HMGA2: variants seen among roughly 807,000 people sequenced by gnomAD.
HMGA2 encodes the protein high mobility group AT-hook 2, also known as high mobility group protein HMGI-C.
A neutral mutation model predicts 19.1 loss-of-function variants in HMGA2; 8 were observed. The observed-to-expected ratio is 0.42, with a 90% confidence interval of 0.25 to 0.76. HMGA2 has a LOEUF of 0.76. Ranked by LOEUF, HMGA2 falls within the 30% of genes least tolerant of loss-of-function variation. The probability of loss-of-function intolerance (pLI) is 0.28; values close to 1 mark genes in which losing one functional copy is unlikely to be tolerated. For synonymous variants in HMGA2, 60 were observed against 48.8 expected (o/e 1.23, Z -0.96); for missense variants, 109 against 136.3 (o/e 0.80, Z 1.00).
At chr12:65,829,060 C>T (rs920510134) in intron 2 of HMGA2, 1 of 152,068 alleles carries the variant, frequency 6.6e-6, no homozygotes, top group East Asian at 1.9e-4. Context: ...ACCTTTTCAC[C>T]GGTTTTGGGT....
rs374566403 is a variant in HMGA2, at chr12:65,865,395, T to C, written c.249+26826T>C. On this transcript the variant is annotated intron_variant, in intron 3 of 4. Transcript: ENST00000403681. ...GGGTGAACTTTTTATACTATACTTT[T>C]ACAGATAGAAATGAAAGTACTTAGT... Among the ~76,000 whole-genome samples, 93 of 152,278 alleles carry C rather than the reference T, an allele frequency of 6.1e-4. 1 individual carries two copies. The South Asian group carries it at 0.019, about 31-fold the overall frequency.
At chr12:65,886,345 G>A (rs763706922) in intron 3 of HMGA2, among the ~76,000 whole-genome samples, 1 of 151,132 alleles carries the variant, frequency 6.6e-6, no homozygotes, top group Non-Finnish European at 1.5e-5. Flanking sequence ...CTCGCGGGGA[G>A]CTTCTTTCTT....
chr12:65,897,380 T>C, intron 3 of HMGA2, among the ~76,000 whole-genome samples: 1 of 152,246 alleles, frequency 6.6e-6, no homozygotes, highest in African/African-American at 2.4e-5. Flanking sequence ...GCATTATTTT[T>C]AAGTTTCTGA....
At chr12:65,950,142 G>T (rs181717035) in intron 3 of HMGA2, among the ~76,000 whole-genome samples, 2 of 152,346 alleles carry the variant, frequency 1.3e-5, no homozygotes, top group Admixed American at 6.5e-5. Context: ...TTAGAAAGCT[G>T]TCTGGCAGCT....
intron 3 of HMGA2, among the ~76,000 whole-genome samples, chr12:65,844,225 T>G (rs1871142592): frequency 6.6e-6 from 1 of 152,138 alleles, no homozygotes; most frequent in Non-Finnish European, 1.5e-5. Flanking sequence ...TCATTTTCCC[T>G]TAGACCCTTG....
In HMGA2 at chr12:65,957,678, G is replaced by GA. The variant is rs1183095451; in HGVS notation, c.283-5562dup. ...TATACCTAAAATGATTTCCCTATTT[G>GA]AAAAATGTGCCTACCATTTCCAGAT... On this transcript the variant is annotated intron_variant, in intron 4 of 4. Transcript: ENST00000403681. 8 of 152,154 alleles carry GA rather than the reference G, an allele frequency of 5.3e-5. No homozygotes were observed. The East Asian group carries it at 1.5e-3, about 29-fold the overall frequency. The allele number at this position is 152,154 out of a possible 1,614,324, so 9.4% of individuals were successfully genotyped here. A position where few individuals can be genotyped will look rare whatever the true frequency, so the allele number is the denominator to read the frequency against.
chr12:65,899,206 G>T (rs956884027), intron 3 of HMGA2, among the ~76,000 whole-genome samples: 1 of 152,124 alleles, frequency 6.6e-6, no homozygotes, highest in Non-Finnish European at 1.5e-5. Flanking sequence ...TCGTGCTTCC[G>T]AACAGATGAA....
chr12:65,848,672 A>T (rs1261966816), intron 3 of HMGA2, among the ~76,000 whole-genome samples: 1 of 151,972 alleles, frequency 6.6e-6, no homozygotes, highest in Non-Finnish European at 1.5e-5. Context: ...CTGGCTAACA[A>T]GGTGAAACCC....
chr12:65,956,675 G>T (rs1876614528), intron 4 of HMGA2: 1 of 152,090 alleles, frequency 6.6e-6, no homozygotes, highest in African/African-American at 2.4e-5. Flanking sequence ...GCAAAATTTA[G>T]TGTTTCTGGA....
intron 3 of HMGA2, among the ~76,000 whole-genome samples, chr12:65,872,722 C>T (rs898804590): frequency 3.3e-5 from 5 of 152,090 alleles, no homozygotes; most frequent in Admixed American, 2.6e-4. Context: ...GTTTTCCTGC[C>T]GCCTCTACTT....
At chr12:65,949,723 T>C (rs992745432) in intron 3 of HMGA2, among the ~76,000 whole-genome samples, 5 of 152,136 alleles carry the variant, frequency 3.3e-5, no homozygotes, top group Non-Finnish European at 5.9e-5. Context: ...ATACAATAGA[T>C]ACAGATATAA....
Position 65,963,459 on chromosome 12 carries a change from C to T in HMGA2, c.*167C>T. On this transcript the variant is annotated 3_prime_UTR_variant, in exon 5 of 5. Transcript: ENST00000403681. ...GGTGGGGTGGGGAGAAATCACATAA[C>T]CTTAAAAAGGACTATATTAATCACC... 1.6e-6 allele frequency: 1 copy of T among 618,246 alleles called. No homozygotes were observed. Among genetic ancestry groups the T allele is most frequent in the Middle Eastern group, 4.2e-4 (1 of 2,408 alleles). The allele number at this position is 618,246 out of a possible 1,614,324, so 38.3% of individuals were successfully genotyped here.
chr12:65,860,083 C>T (rs138680587), intron 3 of HMGA2: 2 of 445,196 alleles, frequency 4.5e-6, no homozygotes, highest in South Asian at 1.6e-5. Context: ...CAGAGCAAGA[C>T]TCTGTCTGAA....
intron 3 of HMGA2, among the ~76,000 whole-genome samples, chr12:65,875,628 T>TTTTTTTTTTTG (rs1872971739): frequency 8.8e-6 from 1 of 113,164 alleles, no homozygotes; most frequent in Non-Finnish European, 1.7e-5. Flanking sequence ...TTTTTTTTTT[T>TTTTTTTTTTTG]TTAGTAAAGA....
intron 2 of HMGA2, among the ~76,000 whole-genome samples, chr12:65,832,482 T>C (rs1870521362): frequency 6.6e-6 from 1 of 151,954 alleles, no homozygotes; most frequent in East Asian, 1.9e-4. Context: ...ATATACCAGA[T>C]TGGTATTCTA....
Position 65,824,879 on chromosome 12 carries a change from T to C in HMGA2, c.-392T>C, listed in dbSNP as rs571150540. 3.7e-6 allele frequency: 1 copy of C among 267,762 alleles called. No homozygotes were observed. Among genetic ancestry groups the C allele is most frequent in the Non-Finnish European group, 7.1e-6 (1 of 140,896 alleles). 16.6% of individuals were successfully genotyped at this position (267,762 alleles called of 1,614,324 possible). A position where few individuals can be genotyped will look rare whatever the true frequency, so the allele number is the denominator to read the frequency against. Reference sequence around the variant, plus strand: ...CAAGCCGCTTCCGAAGTGCTCCCGGTGCCCGCAACTCCTGATCCCAACCCG... The same window carrying C: ...CAAGCCGCTTCCGAAGTGCTCCCGGCGCCCGCAACTCCTGATCCCAACCCG... On this transcript the variant is annotated 5_prime_UTR_variant, in exon 1 of 5. Coordinates refer to ENST00000403681, the MANE Select transcript of HMGA2 (RefSeq NM_003483.6).
At chr12:65,962,532 G>A (rs1876780339) in intron 4 of HMGA2, among the ~76,000 whole-genome samples, 1 of 152,168 alleles carries the variant, frequency 6.6e-6, no homozygotes, top group Non-Finnish European at 1.5e-5. Context: ...GTCTCAAAAT[G>A]TGCTTTAATA....
intron 3 of HMGA2, among the ~76,000 whole-genome samples, chr12:65,930,698 G>A (rs1875678506): frequency 6.6e-6 from 1 of 152,136 alleles, no homozygotes; most frequent in African/African-American, 2.4e-5. Flanking sequence ...AGTAGCAGGT[G>A]GTATTTCCTT....
intron 3 of HMGA2, among the ~76,000 whole-genome samples, chr12:65,896,838 A>G (rs1874152062): frequency 6.6e-6 from 1 of 152,226 alleles, no homozygotes; most frequent in South Asian, 2.1e-4. Flanking sequence ...AATTACTGAA[A>G]GTATCTGGTA....
Sources: allele counts gnomAD v4.1 joint callset (sites outside exome capture counted in the v4.1 genomes callset), GRCh38; gene constraint gnomAD v4.1.1; transcripts MANE v1.5; gene names NCBI Gene and HGNC (gene_info 2026-07-23, HGNC 2026-07-21).